UCP3: variants seen among roughly 807,000 people sequenced by gnomAD.
UCP3 encodes the protein uncoupling protein 3, also known as putative mitochondrial transporter UCP3.
A neutral mutation model predicts 28.1 loss-of-function variants in UCP3; 24 were observed. That is an observed-to-expected ratio of 0.85 (90% CI 0.62 to 1.20). The LOEUF is 1.20. Ranked by LOEUF, UCP3 falls within the 50% of genes most tolerant of loss-of-function variation. The pLI, the probability that UCP3 is intolerant of heterozygous loss-of-function variation, is 0.00. For missense variants in UCP3, 397 were observed against 422.2 expected (o/e 0.94, Z 0.52); for synonymous variants, 184 against 171.2 (o/e 1.07, Z -0.59).
At chr11:74,001,662 A>T in intron 6 of UCP3, 136 bp from the exon 7 acceptor site, 1 of 741,462 alleles carries the variant, frequency 1.3e-6, no homozygotes, top group African/African-American at 1.9e-5. Context: ...GAATCCTTTC[A>T]GTCTCTCTCT....
chr11:74,003,125 G>C (rs1443719414), intron 6 of UCP3, among the ~76,000 whole-genome samples: 3 of 152,238 alleles, frequency 2.0e-5, no homozygotes, highest in African/African-American at 2.4e-5. Context: ...GCCTAATATA[G>C]AGTGACTTAG....
In UCP3 at chr11:74,006,312, A is replaced by T. The variant is rs1951666421; in HGVS notation, c.194T>A (p.Ile65Asn). ...ACCCTCAGTCCGCACCATGGTCAGG[A>T]TGGTGCCCAGCACGCCACGGTACTG... ...LVQYRGVLGT[I>N]LTMVRTEGPC... Residue 65 changes from isoleucine to asparagine, a missense_variant, in exon 3 of 7, where the codon ATC becomes AAC. By Grantham distance (149) the Ile-to-Asn change is moderately radical. Transcript: ENST00000314032. 1 of 1,609,866 alleles carries T rather than the reference A, an allele frequency of 6.2e-7. No homozygotes were observed.
At chr11:74,004,261 T>C (rs1223275455) in intron 5 of UCP3, among the ~76,000 whole-genome samples, 1 of 152,140 alleles carries the variant, frequency 6.6e-6, no homozygotes, top group Admixed American at 6.5e-5. Context: ...CTTAAAGCTA[T>C]ATAGTGAGAG....
rs1007659234 is a variant in UCP3, at chr11:74,001,520, T to C, written c.831A>G (p.Thr277=). 1 of 1,613,684 alleles carries C rather than the reference T, an allele frequency of 6.2e-7. No homozygotes were observed. The highest frequency in any genetic ancestry group is 8.5e-7 in the Non-Finnish European group (1 of 1,179,924). Residue 277 remains threonine (T), a synonymous_variant, in exon 7 of 7, where the codon ACA becomes ACG. Transcript: ENST00000314032. ...AGGATCCCAAACGCAAAAAGGAGGG[T>C]GTAAATCTGATAAGAAAAACAACCA... ...EGPTAFYKGF[T]PSFLRLGSWN... is the part of the protein sequence containing the mutation.
chr11:74,005,948 G>T lies in UCP3; in HGVS notation c.338-15C>A. The T allele has an allele frequency of 3.1e-6, 5 of 1,613,682 alleles. No homozygotes were observed. Among genetic ancestry groups the T allele is most frequent in the Non-Finnish European group, 4.2e-6 (5 of 1,179,884 alleles). On this transcript the variant is annotated splice_polypyrimidine_tract_variant and intron_variant, in intron 3 of 6. Coordinates refer to ENST00000314032, the MANE Select transcript of UCP3 (RefSeq NM_003356.4). ...GAGGCTGGAGTCTGGGAGGGGCAGAGAGAGTGGGCCAGTGTCCCCTACTAA... is the reference window on the plus strand; with the variant it reads ...GAGGCTGGAGTCTGGGAGGGGCAGATAGAGTGGGCCAGTGTCCCCTACTAA...
rs1951646578 is a variant in UCP3 at position 74,004,593 on chromosome 11, G to A, written c.542-8C>T. 3.7e-6 allele frequency: 6 copies of A among 1,611,692 alleles called. No individual in the cohort carries two copies. The highest frequency in any genetic ancestry group is 5.1e-6 in the Non-Finnish European group (6 of 1,178,190). On this transcript the variant is annotated splice_polypyrimidine_tract_variant and splice_region_variant and intron_variant, in intron 4 of 6. Coordinates refer to ENST00000314032, the MANE Select transcript of UCP3 (RefSeq NM_003356.4). ...TGATGTTGGGCAAAGTTCCTGTTAG[G>A]AAGGCGGTGGGGAGGGATGTGAAAT...
In UCP3 at chr11:74,003,829, C is replaced by A. The variant is rs746995996; in HGVS notation, c.822G>T (p.Lys274Asn). The change falls in exon 6 of 7, where the codon AAG (lysine) becomes AAT (asparagine). Residue 274 changes from lysine (K) to asparagine (N), a missense_variant and splice_region_variant. Coordinates refer to ENST00000314032, the MANE Select transcript of UCP3 (RefSeq NM_003356.4). ...VAQEGPTAFY[K>N]GFTPSFLRLG... Reference sequence around the variant, plus strand: ...GCTGGAGGCAGGAGGAGGCTCACCCCTTGTAGAAGGCTGTGGGGCCCTCCT... The same window carrying A: ...GCTGGAGGCAGGAGGAGGCTCACCCATTGTAGAAGGCTGTGGGGCCCTCCT... The A allele has an allele frequency of 1.9e-6, 3 of 1,597,636 alleles. No homozygotes were observed. The South Asian group carries it at 3.4e-5, about 18-fold the overall frequency.
intron 4 of UCP3, among the ~76,000 whole-genome samples, chr11:74,005,369 G>A (rs983170178): frequency 6.6e-6 from 1 of 152,108 alleles, no homozygotes. Context: ...CCCAGCTTAG[G>A]TGTCACCTTC....
intron 6 of UCP3, chr11:74,002,739 A>G: frequency 1.0e-6 from 1 of 985,232 alleles, no homozygotes; most frequent in Middle Eastern, 5.2e-4. Flanking sequence ...CTGTAATGAT[A>G]GAGGCACTTT....
Position 74,006,346 on chromosome 11 carries a change from G to A in UCP3, c.160C>T (p.Arg54Trp), listed in dbSNP as rs368049853. 34 of 1,588,234 alleles carry A rather than the reference G, an allele frequency of 2.1e-5. No homozygotes were observed. Among genetic ancestry groups the A allele is most frequent in the African/African-American group, 2.0e-4 (15 of 74,628 alleles). ...QGENQAVQTA[R>W]LVQYRGVLGT... ...AGCACGCCACGGTACTGCACGAGCC[G>A]GGCCGTCTGGACCGCCTGGTTCTCC... Residue 54 changes from arginine (R) to tryptophan (W), a missense_variant, in exon 3 of 7, where the codon CGG becomes TGG. Transcript: ENST00000314032.
In UCP3 at chr11:74,003,630, A is replaced by G. The variant is rs1951636466; in HGVS notation, c.824+197T>C. 4 of 1,390,810 alleles carry G rather than the reference A, an allele frequency of 2.9e-6. No homozygotes were observed. In the South Asian group the frequency reaches 7.0e-5, roughly 24 times the overall value. The allele number at this position is 1,390,810 out of a possible 1,614,324, so 86.2% of individuals were successfully genotyped here. ...ATTCCTGGAGTGTTTGTTCTCAGTC[A>G]GGCTTCCCTAACCCTCCCCATCAGG... On this transcript the variant is annotated intron_variant, in intron 6 of 6. Transcript: ENST00000314032.
rs1462699908 is a variant in UCP3 at position 74,001,060 on chromosome 11, T to C, written c.*352A>G. The stretch of plus-strand genomic sequence containing the variant: ...TGCCATCCTTCCTGCTTATCATTCA[T>C]TATCTAACCAGATTTCACGGGGATA... On this transcript the variant is annotated 3_prime_UTR_variant, in exon 7 of 7. Coordinates refer to ENST00000314032, the MANE Select transcript of UCP3 (RefSeq NM_003356.4). 3 of 312,104 alleles carry C rather than the reference T, an allele frequency of 9.6e-6. No homozygotes were observed. Among genetic ancestry groups the C allele is most frequent in the African/African-American group, 2.2e-5 (1 of 45,892 alleles). The allele number at this position is 312,104 out of a possible 1,614,324, so 19.3% of individuals were successfully genotyped here. A position where few individuals can be genotyped will look rare whatever the true frequency, so the allele number is the denominator to read the frequency against.
chr11:74,002,813 A>G (rs760500474), intron 6 of UCP3: 1 of 985,332 alleles, frequency 1.0e-6, no homozygotes. Flanking sequence ...TTGAGAACCT[A>G]TAGCAGCTCT....
In UCP3 at chr11:74,006,373, C is replaced by G; in HGVS notation, c.133G>C (p.Gly45Arg). ...GCCGTCTGGACCGCCTGGTTCTCCC[C>G]CTGGATCTGAGGGACAATAGCAGGG... The part of the protein sequence containing the change: ...DTAKVRLQIQ[G>R]ENQAVQTARL... The change falls in exon 3 of 7, where the codon GGG (glycine) becomes CGG (arginine). Residue 45 changes from glycine (G) to arginine (R), a missense_variant. Gly to Arg is a moderately radical substitution (Grantham distance 125). Transcript: ENST00000314032. 6.4e-7 allele frequency: 1 copy of G among 1,566,046 alleles called. No individual in the cohort carries two copies.
At chr11:74,002,069 T>C (rs1951625541) in intron 6 of UCP3, 1 of 161,798 alleles carries the variant, frequency 6.2e-6, no homozygotes, top group African/African-American at 2.4e-5. Flanking sequence ...TAGCACAGTG[T>C]CCCCACCTCA....
In UCP3 at chr11:74,001,326, G is replaced by A. The variant is rs1951619908; in HGVS notation, c.*86C>T. 2.5e-6 allele frequency: 3 copies of A among 1,215,436 alleles called. No individual in the cohort carries two copies. The African/African-American group carries it at 4.5e-5, about 18-fold the overall frequency. The allele number at this position is 1,215,436 out of a possible 1,614,324, so 75.3% of individuals were successfully genotyped here. The stretch of plus-strand genomic sequence containing the variant: ...CAGTTCTGTAAACATGTGTGGGTCT[G>A]TGTCCATGTGTGCGTGGATGCACCG... On this transcript the variant is annotated 3_prime_UTR_variant, in exon 7 of 7. Transcript: ENST00000314032.
In UCP3 at chr11:74,006,384, G is replaced by A. The variant is rs747722881; in HGVS notation, c.127-5C>T. The stretch of plus-strand genomic sequence containing the variant: ...CGCCTGGTTCTCCCCCTGGATCTGA[G>A]GGACAATAGCAGGGGGTGAGGACTC... On this transcript the variant is annotated splice_polypyrimidine_tract_variant and splice_region_variant and intron_variant, in intron 2 of 6. Coordinates refer to ENST00000314032, the MANE Select transcript of UCP3 (RefSeq NM_003356.4). 3.2e-6 allele frequency: 5 copies of A among 1,554,454 alleles called. No individual in the cohort carries two copies. The highest frequency in any genetic ancestry group is 4.3e-6 in the Non-Finnish European group (5 of 1,154,296).
At position 74,002,536 on chromosome 11, in the gene UCP3, C is replaced by T. The variant is rs115422125; in HGVS notation, c.825-1010G>A. ...ACAGTATCTGCCTTGTGGAGTTAGT[C>T]GTGCAGATTAGGTGAGTTAATGTTG... is the stretch of plus-strand genomic sequence containing the variant. On this transcript the variant is annotated intron_variant, in intron 6 of 6. Transcript: ENST00000314032. Among the ~76,000 whole-genome samples, 563 of 152,184 alleles carry T rather than the reference C, an allele frequency of 3.7e-3. 5 individuals carry two copies. The highest frequency in any genetic ancestry group is 0.013 in the African/African-American group (545 of 41,482).
chr11:74,007,178 T>C, intron 1 of UCP3, 41 bp from the exon 2 acceptor site: 5 of 1,195,190 alleles, frequency 4.2e-6, no homozygotes, highest in Non-Finnish European at 5.8e-6. Flanking sequence ...GAGTGATGTC[T>C]GGCCTGGCTC....
Sources: allele counts gnomAD v4.1 joint callset (sites outside exome capture counted in the v4.1 genomes callset), GRCh38; gene constraint gnomAD v4.1.1; transcripts MANE v1.5; gene names NCBI Gene and HGNC (gene_info 2026-07-23, HGNC 2026-07-21).